Variants in MYO10 observed in about 807,000 individuals in gnomAD.
MYO10 encodes myosin X.
In MYO10, 133 loss-of-function variants were observed where a neutral mutation model predicts 257.3. The ratio of observed to expected loss-of-function variants is 0.52; its 90% CI spans 0.45 to 0.60. MYO10 has a LOEUF of 0.60. Among genes scored for constraint, MYO10 ranks in the 20% least tolerant of loss-of-function variants. The pLI, the probability that MYO10 is intolerant of heterozygous loss-of-function variation, is 0.00. For missense variants in MYO10, 2,399 were observed against 2,635.7 expected (o/e 0.91, Z 1.97); for synonymous variants, 1,104 against 1,028.6 (o/e 1.07, Z -1.40).
chr5:16,762,620 G>A lies in MYO10; in HGVS notation c.1512C>T (p.Ala504=). The A allele has an allele frequency of 1.9e-6, 3 of 1,605,100 alleles. No individual in the cohort carries two copies. In the East Asian group the frequency reaches 6.7e-5, roughly 36 times the overall value. ...DLIEKKLGLL[A]LINEESHFPQ... is the part of the protein sequence containing the mutation. Reference sequence around the variant, plus strand: ...GAAAATGGCTTTCTTCATTGATAAGGGCTAGGAGGCCAAGTTTCTAGAAGA... The same window carrying A: ...GAAAATGGCTTTCTTCATTGATAAGAGCTAGGAGGCCAAGTTTCTAGAAGA... The change falls in exon 15 of 41, where the codon GCC becomes GCT. Residue 504 remains alanine, a synonymous_variant. Coordinates refer to ENST00000513610, the MANE Select transcript of MYO10 (RefSeq NM_012334.3).
rs79249018 is a variant in MYO10, at chr5:16,817,718, C to T, written c.279+291G>A. The stretch of plus-strand genomic sequence containing the variant: ...TCCATGACTTCTTTCCGTGGCAGAA[C>T]ACTTAGAAACTGAACACAACACAGC... On this transcript the variant is annotated intron_variant, in intron 3 of 40. Coordinates refer to ENST00000513610, the MANE Select transcript of MYO10 (RefSeq NM_012334.3). 7.5e-4 allele frequency among the ~76,000 whole-genome samples: 114 copies of T among 152,280 alleles called. No individual in the cohort carries two copies. In the East Asian group the frequency reaches 0.02, roughly 26 times the overall value.
chr5:16,757,301 AACACACACACACACGCACACACAC>A (rs1241965983), intron 18 of MYO10, among the ~76,000 whole-genome samples: 5 of 84,346 alleles, frequency 5.9e-5, no homozygotes, highest in Middle Eastern at 5.1e-3. Flanking sequence ...CACACACACA[AACACACACACACACGCACACACAC>A]ACACACACAC....
intron 4 of MYO10, 120 bp downstream of exon 4, chr5:16,794,526 G>T: frequency 1.0e-6 from 1 of 957,946 alleles, no homozygotes; most frequent in Non-Finnish European, 1.4e-6. Flanking sequence ...AACTCTGTCG[G>T]AGAAACTCAG....
chr5:16,843,604 G>A (rs1743547551), intron 2 of MYO10, among the ~76,000 whole-genome samples: 1 of 152,126 alleles, frequency 6.6e-6, no homozygotes, highest in Non-Finnish European at 1.5e-5. Context: ...GTCTCCATAA[G>A]GTCCTGGACT....
Position 16,775,310 on chromosome 5 carries a change from G to A in MYO10, c.930+4235C>T, listed in dbSNP as rs556653067. ...CTCATAGGTACTTTTTTATATTAAT[G>A]TTTATTGCGACCAATGATAAATTTT... On this transcript the variant is annotated intron_variant, in intron 9 of 40. Transcript: ENST00000513610. Among the ~76,000 whole-genome samples the A allele has an allele frequency of 5.9e-5, 9 of 152,220 alleles. No homozygotes were observed. In the East Asian group the frequency reaches 1.7e-3, roughly 29 times the overall value.
intron 30 of MYO10, among the ~76,000 whole-genome samples, chr5:16,683,386 C>T (rs528703082): frequency 5.3e-5 from 8 of 152,156 alleles, no homozygotes; most frequent in Non-Finnish European, 1.2e-4. Flanking sequence ...GATGATTTGC[C>T]TTCAAAAATC....
chr5:16,858,691 G>A (rs1580082195), intron 2 of MYO10, among the ~76,000 whole-genome samples: 1 of 152,286 alleles, frequency 6.6e-6, no homozygotes, highest in African/African-American at 2.4e-5. Context: ...CGGGTGCAGT[G>A]GCTCATGCCT....
At chr5:16,698,631 T>G (rs936218879) in intron 26 of MYO10, among the ~76,000 whole-genome samples, 2 of 140,684 alleles carry the variant, frequency 1.4e-5, no homozygotes, top group Non-Finnish European at 3.0e-5. Flanking sequence ...CAGTTTTTTT[T>G]TTTTTTTTTT....
intron 40 of MYO10, among the ~76,000 whole-genome samples, chr5:16,667,038 A>C (rs1042792030): frequency 2.0e-5 from 3 of 152,206 alleles, no homozygotes; most frequent in Non-Finnish European, 4.4e-5. Flanking sequence ...ACTTGGCTTG[A>C]TGGAAACTGT....
rs527500700 is a variant in MYO10, at chr5:16,882,897, T to C, written c.22-5190A>G. Among the ~76,000 whole-genome samples, 8 of 151,950 alleles carry C rather than the reference T, an allele frequency of 5.3e-5. 1 individual carries two copies. The highest frequency in any genetic ancestry group is 1.9e-4 in the African/African-American group (8 of 41,330). On this transcript the variant is annotated intron_variant, in intron 1 of 40. Transcript: ENST00000513610. Reference sequence around the variant, plus strand: ...TTCTCTCTATGGAATTATAACTCAATAATATCAAATCATTTTTATTTATTT... The same window carrying C: ...TTCTCTCTATGGAATTATAACTCAACAATATCAAATCATTTTTATTTATTT...
intron 19 of MYO10, among the ~76,000 whole-genome samples, chr5:16,744,576 T>A (rs916162998): frequency 4.6e-5 from 7 of 152,250 alleles, no homozygotes; most frequent in Non-Finnish European, 5.9e-5. Flanking sequence ...CAGGGCTTCC[T>A]GTGCCCTTGG....
Position 16,715,770 on chromosome 5 carries a change from T to TTAA in MYO10, c.1930-4528_1930-4526dup, listed in dbSNP as rs1411863958. ...CTGTTAAAAAAATTTTTTAAGTACA[T>TTAA]TAAGGCCAGGCGCGGTGGCTCACGC... On this transcript the variant is annotated intron_variant, in intron 19 of 40. Coordinates refer to ENST00000513610, the MANE Select transcript of MYO10 (RefSeq NM_012334.3). 4.6e-5 allele frequency among the ~76,000 whole-genome samples: 7 copies of TTAA among 152,140 alleles called. 1 individual carries two copies. The highest frequency in any genetic ancestry group is 1.7e-4 in the African/African-American group (7 of 41,524).
intron 1 of MYO10, among the ~76,000 whole-genome samples, chr5:16,923,134 T>G (rs1312295371): frequency 6.6e-6 from 1 of 152,180 alleles, no homozygotes; most frequent in East Asian, 1.9e-4. Flanking sequence ...TCTAGTTTCT[T>G]CAGCCTTCAA....
chr5:16,667,767 T>C (rs1322648356), intron 40 of MYO10, among the ~76,000 whole-genome samples: 1 of 152,134 alleles, frequency 6.6e-6, no homozygotes, highest in Non-Finnish European at 1.5e-5. Flanking sequence ...ATAAGCTTCT[T>C]GTATTATATT....
At chr5:16,839,595 T>C (rs1264087747) in intron 2 of MYO10, among the ~76,000 whole-genome samples, 3 of 151,768 alleles carry the variant, frequency 2.0e-5, no homozygotes, top group Admixed American at 2.0e-4. Context: ...ATACAAAAAT[T>C]AGCCAGGCAC....
chr5:16,679,929 G>C lies in MYO10; in HGVS notation c.4542+18C>G. ...CTGAGCTGTAATCACCCACCTTGATGGGCTTGTCTTGGCTTACCTTGATAT... is the reference window on the plus strand; with the variant it reads ...CTGAGCTGTAATCACCCACCTTGATCGGCTTGTCTTGGCTTACCTTGATAT... On this transcript the variant is annotated intron_variant, in intron 33 of 40. Transcript: ENST00000513610. 1 of 1,611,376 alleles carries C rather than the reference G, an allele frequency of 6.2e-7. No individual in the cohort carries two copies. The highest frequency in any genetic ancestry group is 1.7e-5 in the Admixed American group (1 of 59,872).
intron 1 of MYO10, among the ~76,000 whole-genome samples, chr5:16,909,204 G>T (rs1292423828): frequency 6.6e-6 from 1 of 152,122 alleles, no homozygotes; most frequent in Non-Finnish European, 1.5e-5. Flanking sequence ...CAGGGGAACT[G>T]CCCTTTATAA....
chr5:16,928,706 G>A (rs551893247), intron 1 of MYO10, among the ~76,000 whole-genome samples: 2 of 151,602 alleles, frequency 1.3e-5, no homozygotes, highest in Non-Finnish European at 2.9e-5. Flanking sequence ...TTAGCCGGGT[G>A]TGGTGGCAGG....
chr5:16,793,943 A>G (rs1023392734), intron 4 of MYO10, among the ~76,000 whole-genome samples: 1 of 151,856 alleles, frequency 6.6e-6, no homozygotes, highest in Non-Finnish European at 1.5e-5. Flanking sequence ...AAAAAAAAAA[A>G]AAGAAATTCT....
Sources: allele counts gnomAD v4.1 joint callset (sites outside exome capture counted in the v4.1 genomes callset), GRCh38; gene constraint gnomAD v4.1.1; transcripts MANE v1.5; gene names NCBI Gene and HGNC (gene_info 2026-07-23, HGNC 2026-07-21).